RUNX1: variants seen among roughly 807,000 people sequenced by gnomAD.
The protein encoded by RUNX1 is runt-related transcription factor 1.
In RUNX1, 19 loss-of-function variants were observed where a neutral mutation model predicts 42.8. The observed-to-expected ratio is 0.44, with a 90% CI of 0.31 to 0.65. RUNX1 has a LOEUF of 0.65. Among genes scored for constraint, RUNX1 ranks in the 30% least tolerant of loss-of-function variants. The pLI, the probability that RUNX1 is intolerant of heterozygous loss-of-function variation, is 0.07. For missense variants in RUNX1, 528 were observed against 672.0 expected (o/e 0.79, Z 2.37); for synonymous variants, 271 against 289.4 (o/e 0.94, Z 0.64).
chr21:34,990,125 A>G (rs2058925290), intron 2 of RUNX1, among the ~76,000 whole-genome samples: 1 of 152,178 alleles, frequency 6.6e-6, no homozygotes, highest in Non-Finnish European at 1.5e-5. Flanking sequence ...GTGCTGCTGC[A>G]CTGAGCTGCT....
At chr21:35,048,083 C>T (rs755513630) in intron 2 of RUNX1, among the ~76,000 whole-genome samples, 5 of 152,212 alleles carry the variant, frequency 3.3e-5, no homozygotes, top group Admixed American at 6.5e-5. Flanking sequence ...TGTAATCTAA[C>T]GACTTAAGCT....
chr21:35,037,689 T>A (rs189347558), intron 2 of RUNX1, among the ~76,000 whole-genome samples: 1 of 152,236 alleles, frequency 6.6e-6, no homozygotes, highest in East Asian at 1.9e-4. Flanking sequence ...AGGCCATGCT[T>A]CCCCTTCACT....
intron 5 of RUNX1, among the ~76,000 whole-genome samples, chr21:34,861,714 A>G (rs767732832): frequency 6.6e-6 from 1 of 152,158 alleles, no homozygotes; most frequent in East Asian, 1.9e-4. Context: ...TCGCCAATCC[A>G]AGGCTCCTTG....
intron 5 of RUNX1, among the ~76,000 whole-genome samples, chr21:34,879,152 A>G (rs561241304): frequency 3.9e-5 from 6 of 152,294 alleles, no homozygotes; most frequent in Non-Finnish European, 7.4e-5. Context: ...TGTTTTCTAG[A>G]CACACATCTC....
At chr21:34,936,623 C>T (rs981006361) in intron 2 of RUNX1, among the ~76,000 whole-genome samples, 5 of 152,106 alleles carry the variant, frequency 3.3e-5, no homozygotes, top group Admixed American at 1.3e-4. Context: ...CAAGAACACT[C>T]GAATGCACAA....
chr21:34,888,329 C>T (rs977925120), intron 3 of RUNX1: 2 of 1,067,608 alleles, frequency 1.9e-6, no homozygotes, highest in Non-Finnish European at 2.3e-6. Context: ...CACGCACGCA[C>T]ATCCTGCCAC....
chr21:35,009,613 A>G (rs2059110946), intron 2 of RUNX1, among the ~76,000 whole-genome samples: 2 of 152,212 alleles, frequency 1.3e-5, no homozygotes, highest in African/African-American at 4.8e-5. Context: ...TCATGGAGCC[A>G]GGCCTGCTAG....
intron 2 of RUNX1, among the ~76,000 whole-genome samples, chr21:34,964,135 C>G (rs1169452627): frequency 1.3e-5 from 2 of 152,130 alleles, no homozygotes; most frequent in African/African-American, 4.8e-5. Context: ...AACCAACAAA[C>G]TCAACCAAGT....
rs906401249 is a variant in RUNX1, at chr21:34,911,855, T to C, written c.59-18892A>G. On this transcript the variant is annotated intron_variant, in intron 2 of 8. Coordinates refer to ENST00000675419, the MANE Select transcript of RUNX1 (RefSeq NM_001754.5). ...GGGGCTTTCCTTCTGCCTGGACCAC[T>C]TTCCTGTCTCTAAACTCCCCCAGTT... 2.0e-5 allele frequency among the ~76,000 whole-genome samples: 3 copies of C among 152,090 alleles called. No individual in the cohort carries two copies. In the South Asian group the frequency reaches 6.2e-4, roughly 32 times the overall value.
At chr21:34,838,638 G>A (rs1468541670) in intron 6 of RUNX1, among the ~76,000 whole-genome samples, 1 of 152,084 alleles carries the variant, frequency 6.6e-6, no homozygotes, top group Non-Finnish European at 1.5e-5. Context: ...TAAAAATATG[G>A]GGTTTTCTTC....
intron 2 of RUNX1, among the ~76,000 whole-genome samples, chr21:34,922,203 A>T (rs2058359219): frequency 6.6e-6 from 1 of 152,150 alleles, no homozygotes; most frequent in African/African-American, 2.4e-5. Flanking sequence ...GTGTGCCACA[A>T]GCAAGGTGTG....
chr21:34,866,666 T>A (rs1166589576), intron 5 of RUNX1, among the ~76,000 whole-genome samples: 1 of 152,246 alleles, frequency 6.6e-6, no homozygotes, highest in Non-Finnish European at 1.5e-5. Context: ...ATAATTAATT[T>A]ATTTGGGGAT....
At chr21:34,861,229 T>C (rs1350816787) in intron 5 of RUNX1, among the ~76,000 whole-genome samples, 1 of 152,204 alleles carries the variant, frequency 6.6e-6, no homozygotes, top group Non-Finnish European at 1.5e-5. Flanking sequence ...TTTCCTACCG[T>C]GGCATCTAGC....
At chr21:34,805,826 A>C (rs1473224333) in intron 7 of RUNX1, among the ~76,000 whole-genome samples, 2 of 152,248 alleles carry the variant, frequency 1.3e-5, no homozygotes, top group Non-Finnish European at 2.9e-5. Flanking sequence ...AATAATAGTA[A>C]CAAAGTATTG....
chr21:35,015,295 C>T (rs1358704329), intron 2 of RUNX1, among the ~76,000 whole-genome samples: 1 of 152,114 alleles, frequency 6.6e-6, no homozygotes, highest in Non-Finnish European at 1.5e-5. Flanking sequence ...GAATAGACAC[C>T]ACATAATAAT....
chr21:34,863,250 G>A (rs968835293), intron 5 of RUNX1, among the ~76,000 whole-genome samples: 3 of 152,070 alleles, frequency 2.0e-5, no homozygotes, highest in East Asian at 1.9e-4. Flanking sequence ...ATCTCCACCC[G>A]CAAACCCAAT....
chr21:34,859,765 C>G (rs1040435641), intron 5 of RUNX1, among the ~76,000 whole-genome samples, 187 bp from the exon 6 acceptor site: 1 of 152,222 alleles, frequency 6.6e-6, no homozygotes, highest in African/African-American at 2.4e-5. Flanking sequence ...CTAAGTGTAA[C>G]ACTTCACATA....
chr21:34,853,259 G>A (rs1358295923), intron 6 of RUNX1, among the ~76,000 whole-genome samples: 2 of 152,262 alleles, frequency 1.3e-5, no homozygotes, highest in East Asian at 3.9e-4. Flanking sequence ...GGGGAGGTGT[G>A]GGAGGGGAGG....
At chr21:35,047,959 C>T (rs2059412896) in intron 2 of RUNX1, among the ~76,000 whole-genome samples, 1 of 152,150 alleles carries the variant, frequency 6.6e-6, no homozygotes, top group South Asian at 2.1e-4. Context: ...ACAAGACGCA[C>T]ATGCACACAC....
Sources: allele counts gnomAD v4.1 joint callset (sites outside exome capture counted in the v4.1 genomes callset), GRCh38; gene constraint gnomAD v4.1.1; transcripts MANE v1.5; gene names NCBI Gene and HGNC (gene_info 2026-07-23, HGNC 2026-07-21).